Variants in NRXN1 observed in about 807,000 individuals in gnomAD.
The protein encoded by NRXN1 is neurexin-1.
A neutral mutation model predicts 150.9 loss-of-function variants in NRXN1; 39 were observed. That is an observed-to-expected ratio of 0.26 (90% CI 0.20 to 0.34). The LOEUF is 0.34. NRXN1 is among the 10% of genes least tolerant of loss of function. NRXN1 has a pLI of 1.00. For missense variants in NRXN1, 1,815 were observed against 1,949.9 expected (o/e 0.93, Z 1.30); for synonymous variants, 924 against 757.0 (o/e 1.22, Z -3.62).
chr2:50,391,165 G>A (rs929669074), intron 17 of NRXN1, among the ~76,000 whole-genome samples: 2 of 152,006 alleles, frequency 1.3e-5, no homozygotes, highest in African/African-American at 2.4e-5. Flanking sequence ...AGATGAAAAT[G>A]AGAATGTTGT....
chr2:50,497,983 C>T (rs544840872), intron 13 of NRXN1, among the ~76,000 whole-genome samples: 13 of 151,318 alleles, frequency 8.6e-5, no homozygotes, highest in South Asian at 2.1e-4. Context: ...CTTTTAAAGG[C>T]GAAAAATAAA....
At chr2:50,736,978 C>T (rs962847687) in intron 5 of NRXN1, among the ~76,000 whole-genome samples, 5 of 152,076 alleles carry the variant, frequency 3.3e-5, no homozygotes, top group Non-Finnish European at 7.4e-5. Flanking sequence ...TAAAAGTCAA[C>T]CAGGCATGGT....
intron 8 of NRXN1, among the ~76,000 whole-genome samples, chr2:50,617,578 G>A (rs1261466819): frequency 2.0e-5 from 3 of 152,144 alleles, no homozygotes; most frequent in African/African-American, 7.2e-5. Flanking sequence ...TGCTTCCTCA[G>A]ACACACACCC....
At chr2:50,154,479 A>G (rs570237354) in intron 18 of NRXN1, among the ~76,000 whole-genome samples, 2 of 151,768 alleles carry the variant, frequency 1.3e-5, no homozygotes, top group East Asian at 3.9e-4. Context: ...TAAATAGAAA[A>G]CCTTAGACAG....
At chr2:50,242,033 T>G (rs1365446466) in intron 17 of NRXN1, among the ~76,000 whole-genome samples, 2 of 151,806 alleles carry the variant, frequency 1.3e-5, no homozygotes, top group Non-Finnish European at 2.9e-5. Context: ...GGTTACTTTT[T>G]GAAAGCCTAT....
chr2:51,030,796 T>C (rs1430980428), intron 1 of NRXN1, among the ~76,000 whole-genome samples: 1 of 152,192 alleles, frequency 6.6e-6, no homozygotes, highest in Non-Finnish European at 1.5e-5. Context: ...TGCTAAATTT[T>C]CAGTCATTTG....
chr2:50,674,098 A>G (rs1689223005), intron 5 of NRXN1, among the ~76,000 whole-genome samples: 1 of 151,708 alleles, frequency 6.6e-6, no homozygotes, highest in African/African-American at 2.4e-5. Context: ...AAAGTATAAT[A>G]AAAAAAAGGA....
intron 18 of NRXN1, among the ~76,000 whole-genome samples, chr2:50,216,025 T>G (rs1011859537): frequency 6.6e-6 from 1 of 151,622 alleles, no homozygotes. Context: ...ATGGAGGGAG[T>G]GAAGCAAAGA....
At position 51,027,720 on chromosome 2, in the gene NRXN1, C is replaced by A. The variant is rs773310560; in HGVS notation, c.554G>T (p.Arg185Leu). Reference sequence around the variant, plus strand: ...CTGCGAGGAGTTGACCCTCACGTCACGAATCCACCCCTTGAAGGGCTCCCG... The same window carrying A: ...CTGCGAGGAGTTGACCCTCACGTCAAGAATCCACCCCTTGAAGGGCTCCCG... ...REREPFKGWI[R>L]DVRVNSSQVL... The change falls in exon 2 of 23, where the codon CGT (arginine) becomes CTT (leucine). Residue 185 changes from arginine (R) to leucine (L), a missense_variant. By Grantham distance (102) the Arg-to-Leu change is moderately radical (BLOSUM62 -2). Around this residue, in one of 6 missense-constraint regions of NRXN1, gnomAD observed 554 missense variants for 478.8 expected, o/e 1.16. Coordinates refer to ENST00000401669, the MANE Select transcript of NRXN1 (RefSeq NM_001330078.2). 1 of 1,609,820 alleles carries A rather than the reference C, an allele frequency of 6.2e-7. No homozygotes were observed. The highest frequency in any genetic ancestry group is 2.2e-5 in the East Asian group (1 of 44,644).
In NRXN1 at chr2:50,552,680, T is replaced by G; in HGVS notation, c.1666A>C (p.Met556Leu). 2 of 1,613,808 alleles carry G rather than the reference T, an allele frequency of 1.2e-6. No homozygotes were observed. Among genetic ancestry groups the G allele is most frequent in the Non-Finnish European group, 1.7e-6 (2 of 1,179,714 alleles). Residue 556 changes from methionine (M) to leucine (L), a missense_variant, in exon 9 of 23, where the codon ATG (methionine) becomes CTG (leucine). Physicochemically the swap from Met to Leu is conservative, Grantham distance 15. Transcript: ENST00000401669. ...LDGHLYLLLD[M>L]GSGTIKIKAL... ...TTTATTTTTATAGTACCTGACCCCA[T>G]GTCCAGGAGGAGGTAGAGGTGGCCA...
intron 5 of NRXN1, among the ~76,000 whole-genome samples, chr2:50,907,051 A>G (rs567584130): frequency 6.6e-6 from 1 of 152,088 alleles, no homozygotes; most frequent in East Asian, 2.0e-4. Context: ...CTAGAAACTA[A>G]AAGTCTTCTC....
At chr2:50,292,523 C>T (rs2073055911) in intron 17 of NRXN1, among the ~76,000 whole-genome samples, 2 of 152,108 alleles carry the variant, frequency 1.3e-5, no homozygotes, top group African/African-American at 4.8e-5. Context: ...AATCATTTCC[C>T]AACAGTCAGA....
intron 12 of NRXN1, among the ~76,000 whole-genome samples, chr2:50,510,311 C>A (rs2092400589): frequency 6.6e-6 from 1 of 151,560 alleles, no homozygotes; most frequent in Admixed American, 6.6e-5. Context: ...CAGGGTGAAA[C>A]CCTCTCTCTA....
At chr2:50,075,935 C>G (rs74376786) in intron 19 of NRXN1, among the ~76,000 whole-genome samples, 1 of 152,334 alleles carries the variant, frequency 6.6e-6, no homozygotes, top group East Asian at 1.9e-4. Flanking sequence ...CTGTCTAACT[C>G]TACACAGTGC....
At chr2:50,596,338 C>T (rs997017587) in intron 8 of NRXN1, among the ~76,000 whole-genome samples, 3 of 152,186 alleles carry the variant, frequency 2.0e-5, no homozygotes, top group Non-Finnish European at 4.4e-5. Context: ...TAGTTGTCTA[C>T]ATCATTCACG....
rs1694566678 is a variant in NRXN1 at position 50,968,989 on chromosome 2, T to C, written c.773-43034A>G. Among the ~76,000 whole-genome samples, 4 of 152,204 alleles carry C rather than the reference T, an allele frequency of 2.6e-5. No homozygotes were observed. The South Asian group carries it at 8.3e-4, about 32-fold the overall frequency. On this transcript the variant is annotated intron_variant, in intron 2 of 22. Coordinates refer to ENST00000401669, the MANE Select transcript of NRXN1 (RefSeq NM_001330078.2). The stretch of plus-strand genomic sequence containing the variant: ...TACTTCTACTGAAACTTCATCTTCT[T>C]TTCCACCCTCACCTTCTGCGCCAGG...
At chr2:50,771,112 A>G (rs1032106745) in intron 5 of NRXN1, among the ~76,000 whole-genome samples, 6 of 152,082 alleles carry the variant, frequency 3.9e-5, no homozygotes, top group African/African-American at 1.4e-4. Context: ...CAGACAGGGA[A>G]ATAAAAAACG....
At chr2:50,155,429 GAAA>G (rs58114667) in intron 18 of NRXN1, among the ~76,000 whole-genome samples, 1 of 138,504 alleles carries the variant, frequency 7.2e-6, no homozygotes, top group African/African-American at 2.7e-5. Flanking sequence ...GAACAATTAA[GAAA>G]AAAAAAAAGA....
At chr2:50,179,059 G>C (rs993254341) in intron 18 of NRXN1, among the ~76,000 whole-genome samples, 1 of 152,084 alleles carries the variant, frequency 6.6e-6, no homozygotes, top group African/African-American at 2.4e-5. Context: ...GTTCAAAGGA[G>C]CAAAACACTT....
Sources: allele counts gnomAD v4.1 joint callset (sites outside exome capture counted in the v4.1 genomes callset), GRCh38; gene constraint gnomAD v4.1.1; regional missense constraint gnomAD v4.1.1; transcripts MANE v1.5; gene names NCBI Gene and HGNC (gene_info 2026-07-23, HGNC 2026-07-21).